DCLK1: variants seen among roughly 807,000 people sequenced by gnomAD.
The protein encoded by DCLK1 is serine/threonine-protein kinase DCLK1.
Under a neutral mutation model 86.2 loss-of-function variants are expected in DCLK1, and 16 were observed. That is an observed-to-expected ratio of 0.19 (90% CI 0.13 to 0.28). The LOEUF (loss-of-function observed/expected upper bound fraction) is 0.28, where lower values mean the gene tolerates loss of function less well. Ranked by LOEUF, DCLK1 falls within the 10% of genes least tolerant of loss-of-function variation. The pLI, the probability that DCLK1 is intolerant of heterozygous loss-of-function variation, is 1.00. For synonymous variants in DCLK1, 369 were observed against 370.5 expected (o/e 1.00, Z 0.05); for missense variants, 590 against 940.2 (o/e 0.63, Z 4.87).
intron 3 of DCLK1, among the ~76,000 whole-genome samples, chr13:36,087,780 A>G (rs918262901): frequency 1.3e-5 from 2 of 152,142 alleles, no homozygotes; most frequent in Non-Finnish European, 2.9e-5. Flanking sequence ...CCAATACTAG[A>G]AACACCTATC....
At chr13:35,901,341 T>A (rs1337420103) in intron 4 of DCLK1, among the ~76,000 whole-genome samples, 2 of 151,250 alleles carry the variant, frequency 1.3e-5, no homozygotes, top group East Asian at 2.0e-4. Flanking sequence ...ACAAAAAAAA[T>A]TAGCTGGGTA....
chr13:35,833,557 T>G (rs1455586846), intron 8 of DCLK1, among the ~76,000 whole-genome samples: 1 of 152,190 alleles, frequency 6.6e-6, no homozygotes, highest in Non-Finnish European at 1.5e-5. Context: ...TAAATGGACC[T>G]AGCTGCCAAA....
At chr13:35,855,992 T>C (rs2153111015) in intron 5 of DCLK1, 1 of 418,968 alleles carries the variant, frequency 2.4e-6, no homozygotes, top group African/African-American at 2.1e-5. Context: ...TGTTTATTGA[T>C]TTTTCGCACT....
intron 4 of DCLK1, among the ~76,000 whole-genome samples, chr13:35,901,491 C>A (rs1343758139): frequency 1.2e-3 from 53 of 45,878 alleles, no homozygotes; most frequent in African/African-American, 2.6e-3. Context: ...GACTCTGTCT[C>A]AAAAAAAAAA....
rs373849264 is a variant in DCLK1 at position 36,029,407 on chromosome 13, C to T, written c.724-81950G>A. On this transcript the variant is annotated intron_variant, in intron 3 of 16. Coordinates refer to ENST00000360631, the MANE Select transcript of DCLK1 (RefSeq NM_001330071.2). ...GAGAGACTGGGTCTGTCTTATTTTCCTTATTGCATTCCCCAGTGTCTTGCA... is the reference window on the plus strand; with the variant it reads ...GAGAGACTGGGTCTGTCTTATTTTCTTTATTGCATTCCCCAGTGTCTTGCA... Among the ~76,000 whole-genome samples, 6 of 152,290 alleles carry T rather than the reference C, an allele frequency of 3.9e-5. No homozygotes were observed. In the East Asian group the frequency reaches 1.2e-3, roughly 29 times the overall value.
At chr13:35,922,989 A>C (rs926638574) in intron 4 of DCLK1, among the ~76,000 whole-genome samples, 1 of 152,204 alleles carries the variant, frequency 6.6e-6, no homozygotes, top group Non-Finnish European at 1.5e-5. Context: ...CCAGAAATGA[A>C]GATCCAATCC....
At chr13:36,130,462 T>C (rs1468944343) in intron 1 of DCLK1, among the ~76,000 whole-genome samples, 1 of 152,174 alleles carries the variant, frequency 6.6e-6, no homozygotes, top group Non-Finnish European at 1.5e-5. Context: ...GCAGCCTCTT[T>C]TGTGGGGCAT....
intron 16 of DCLK1, among the ~76,000 whole-genome samples, chr13:35,781,074 T>C (rs1593581918): frequency 1.3e-5 from 2 of 152,198 alleles, no homozygotes; most frequent in South Asian, 4.1e-4. Flanking sequence ...ACATATGAAC[T>C]ACCCATCTGG....
chr13:35,886,521 C>T (rs1006178542), intron 4 of DCLK1, among the ~76,000 whole-genome samples: 1 of 152,094 alleles, frequency 6.6e-6, no homozygotes, highest in Non-Finnish European at 1.5e-5. Flanking sequence ...AGCAATGCCA[C>T]TTTTCTAAAA....
At chr13:35,904,729 G>A (rs1416412277) in intron 4 of DCLK1, among the ~76,000 whole-genome samples, 2 of 152,236 alleles carry the variant, frequency 1.3e-5, no homozygotes, top group Non-Finnish European at 2.9e-5. Flanking sequence ...TGAAGACCAA[G>A]CAAAGTGGGA....
intron 3 of DCLK1, among the ~76,000 whole-genome samples, chr13:35,999,569 G>A (rs370078494): frequency 6.6e-6 from 1 of 152,126 alleles, no homozygotes; most frequent in Non-Finnish European, 1.5e-5. Context: ...CTACCTGGCT[G>A]AGCAAGGCCC....
chr13:35,929,164 C>T (rs959814896), intron 4 of DCLK1, among the ~76,000 whole-genome samples: 3 of 152,156 alleles, frequency 2.0e-5, no homozygotes, highest in African/African-American at 7.2e-5. Flanking sequence ...CTCCTGACCC[C>T]GTGATCCACC....
chr13:36,039,439 T>G (rs1470897416), intron 3 of DCLK1, among the ~76,000 whole-genome samples: 1 of 152,168 alleles, frequency 6.6e-6, no homozygotes, highest in East Asian at 1.9e-4. Context: ...AAAAAGCAAA[T>G]TGGTGAATAA....
chr13:35,819,813 A>G (rs539565248), intron 11 of DCLK1, among the ~76,000 whole-genome samples: 1 of 152,304 alleles, frequency 6.6e-6, no homozygotes, highest in South Asian at 2.1e-4. Context: ...GATTTTCACT[A>G]CATATATTAT....
intron 8 of DCLK1, among the ~76,000 whole-genome samples, chr13:35,832,692 C>T (rs1161796133): frequency 6.6e-6 from 1 of 152,208 alleles, no homozygotes; most frequent in Non-Finnish European, 1.5e-5. Flanking sequence ...GTAATCCTAA[C>T]AAAGCCCAAT....
intron 3 of DCLK1, among the ~76,000 whole-genome samples, chr13:35,968,290 A>G (rs1878883645): frequency 6.6e-6 from 1 of 152,194 alleles, no homozygotes; most frequent in Admixed American, 6.5e-5. Flanking sequence ...AAGAAGATGA[A>G]AAAGTTCTGG....
At position 35,995,538 on chromosome 13, in the gene DCLK1, C is replaced by A. The variant is rs75984225; in HGVS notation, c.724-48081G>T. ...GTTCCTTTGTCTTCTTTCATTTTTA[C>A]TGAGGCCAATTCAAATGTTGAGGAA... is the stretch of plus-strand genomic sequence containing the variant. On this transcript the variant is annotated intron_variant, in intron 3 of 16. Transcript: ENST00000360631. 1.9e-3 allele frequency among the ~76,000 whole-genome samples: 296 copies of A among 152,298 alleles called. 3 individuals are homozygous for A. The highest frequency in any genetic ancestry group is 6.5e-3 in the African/African-American group (271 of 41,576).
At chr13:35,916,037 C>A (rs924253762) in intron 4 of DCLK1, among the ~76,000 whole-genome samples, 1 of 152,122 alleles carries the variant, frequency 6.6e-6, no homozygotes, top group African/African-American at 2.4e-5. Context: ...TCAATGCAAT[C>A]CTTACCCTAA....
chr13:35,914,387 A>G (rs1011728095), intron 4 of DCLK1, among the ~76,000 whole-genome samples: 2 of 141,106 alleles, frequency 1.4e-5, no homozygotes, highest in African/African-American at 5.3e-5. Context: ...ATATATATAT[A>G]TATAAGCAAA....
Sources: allele counts gnomAD v4.1 joint callset (sites outside exome capture counted in the v4.1 genomes callset), GRCh38; gene constraint gnomAD v4.1.1; transcripts MANE v1.5; gene names NCBI Gene and HGNC (gene_info 2026-07-23, HGNC 2026-07-21).